GSE1: variants seen among roughly 807,000 people sequenced by gnomAD.
GSE1 encodes Gse1 coiled-coil protein, also known as genetic suppressor element 1.
In GSE1, 32 loss-of-function variants were observed where a neutral mutation model predicts 112.6. The ratio of observed to expected loss-of-function variants is 0.28; its 90% confidence interval spans 0.21 to 0.38. GSE1 has a LOEUF of 0.38. GSE1 is among the 10% of genes least tolerant of loss of function. The pLI, the probability that GSE1 is intolerant of heterozygous loss-of-function variation, is 1.00. For missense variants in GSE1, 2,348 were observed against 1,699.2 expected, an observed-to-expected ratio of 1.38 and a Z score of -6.71; for synonymous variants, 1,115 against 735.6, an observed-to-expected ratio of 1.52 and a Z score of -8.35.
chr16:85,539,718 T>A (rs1598110827), intron 2 of GSE1, among the ~76,000 whole-genome samples: 3 of 152,284 alleles, frequency 2.0e-5, no homozygotes, highest in Non-Finnish European at 4.4e-5. Context: ...GTTAATCACC[T>A]CCTCTCACCT....
At chr16:85,342,213 C>G (rs1369947810) in intron 1 of GSE1, among the ~76,000 whole-genome samples, 1 of 152,192 alleles carries the variant, frequency 6.6e-6, no homozygotes, top group African/African-American at 2.4e-5. Context: ...CTGGCGTTAA[C>G]TCACACTGTA....
intron 1 of GSE1, chr16:85,282,816 A>G (rs1028327704): frequency 1.3e-5 from 2 of 152,262 alleles, no homozygotes; most frequent in Non-Finnish European, 2.9e-5. Flanking sequence ...TTAATTATCT[A>G]GTGCTGCATA....
chr16:85,609,054 T>G (rs1345551852), upstream of GSE1, among the ~76,000 whole-genome samples: 2 of 152,196 alleles, frequency 1.3e-5, no homozygotes, highest in Admixed American at 1.3e-4. Flanking sequence ...TTAGTGAGGT[T>G]GTGACAGTCA....
At chr16:85,525,442 G>A (rs1043952310) in intron 2 of GSE1, among the ~76,000 whole-genome samples, 7 of 152,220 alleles carry the variant, frequency 4.6e-5, no homozygotes, top group African/African-American at 7.2e-5. Flanking sequence ...GAGAAGGAGC[G>A]AGGTGGCCAG....
At chr16:85,669,554 A>AACAT (rs2053159271) in intron 14 of GSE1, among the ~76,000 whole-genome samples, 1 of 152,066 alleles carries the variant, frequency 6.6e-6, no homozygotes, top group Admixed American at 6.5e-5. Context: ...CACCCCCTAC[A>AACAT]TGTTGCCATT....
At chr16:85,396,090 C>A (rs1268458167) in intron 2 of GSE1, among the ~76,000 whole-genome samples, 2 of 152,232 alleles carry the variant, frequency 1.3e-5, no homozygotes, top group African/African-American at 2.4e-5. Context: ...CCCCAAGTGG[C>A]CTGTTTCCAG....
intron 1 of GSE1, among the ~76,000 whole-genome samples, chr16:85,173,841 A>C (rs73252870): frequency 1.1e-3 from 162 of 152,312 alleles, no homozygotes; most frequent in African/African-American, 3.7e-3. Flanking sequence ...TCTGCCCAGA[A>C]GGGGTCAGCA....
rs988622194 is a variant in GSE1, at chr16:85,672,765, C to T, written c.*226C>T. On this transcript the variant is annotated 3_prime_UTR_variant, in exon 16 of 16. Transcript: ENST00000253458. ...AGCGAGCAACCAATGTAGGATTGCC[C>T]ACAGTTTTTCTTTTTAAAGGTGGTT... 1 of 358,186 alleles carries T rather than the reference C, an allele frequency of 2.8e-6. No individual in the cohort carries two copies. Among genetic ancestry groups the T allele is most frequent in the Non-Finnish European group, 5.0e-6 (1 of 198,918 alleles). The allele number at this position is 358,186 out of a possible 1,614,324, so 22.2% of individuals were successfully genotyped here.
chr16:85,362,761 G>A (rs1325729109), intron 2 of GSE1, among the ~76,000 whole-genome samples: 1 of 152,078 alleles, frequency 6.6e-6, no homozygotes, highest in Non-Finnish European at 1.5e-5. Context: ...GGTGGCCCTG[G>A]AGTAGTGCCA....
In GSE1 at chr16:85,656,674, G is replaced by C; in HGVS notation, c.1312+9G>C. ...GACCCCAACCCGAGCAGGTACCTGG[G>C]CGTGGGTGGGCTGTGCTGGGCAAGG... On this transcript the variant is annotated intron_variant, in intron 7 of 15. Coordinates refer to ENST00000253458, the MANE Select transcript of GSE1 (RefSeq NM_014615.5). 1 of 1,497,114 alleles carries C rather than the reference G, an allele frequency of 6.7e-7. No homozygotes were observed. The highest frequency in any genetic ancestry group is 8.9e-7 in the Non-Finnish European group (1 of 1,123,540). 92.7% of individuals were successfully genotyped at this position (1,497,114 alleles called of 1,614,324 possible). A position where few individuals can be genotyped will look rare whatever the true frequency, so the allele number is the denominator to read the frequency against.
At chr16:85,447,948 A>G (rs1222245028) in intron 2 of GSE1, among the ~76,000 whole-genome samples, 2 of 152,170 alleles carry the variant, frequency 1.3e-5, no homozygotes, top group Non-Finnish European at 2.9e-5. Flanking sequence ...GCAGCTGCTG[A>G]TACCTCAGGG....
intron 2 of GSE1, chr16:85,463,038 C>T (rs2050018051): frequency 5.2e-6 from 5 of 956,152 alleles, no homozygotes; most frequent in Non-Finnish European, 6.2e-6. Context: ...GCTGGGCAGC[C>T]CCTCCTAGAG....
chr16:85,327,794 G>A (rs544975015), intron 1 of GSE1, among the ~76,000 whole-genome samples: 4 of 152,114 alleles, frequency 2.6e-5, no homozygotes, highest in Admixed American at 6.5e-5. Flanking sequence ...CCCATTTTAC[G>A]GATCAGCAAA....
intron 2 of GSE1, among the ~76,000 whole-genome samples, chr16:85,466,910 A>G (rs2050140852): frequency 6.6e-6 from 1 of 152,134 alleles, no homozygotes; most frequent in Non-Finnish European, 1.5e-5. Flanking sequence ...AAATATAAAA[A>G]TTAGCCAGGC....
chr16:85,247,873 A>G (rs1906031728), intron 1 of GSE1, among the ~76,000 whole-genome samples: 1 of 152,202 alleles, frequency 6.6e-6, no homozygotes. Context: ...CCTGCATCCA[A>G]GCATGCACCT....
chr16:85,486,679 G>A (rs1033131190), intron 2 of GSE1, among the ~76,000 whole-genome samples: 33 of 152,092 alleles, frequency 2.2e-4, no homozygotes, highest in African/African-American at 6.3e-4. Context: ...TGGGAGCGCC[G>A]TCCCGCCCTC....
At chr16:85,421,361 C>A (rs74788070) in intron 2 of GSE1, among the ~76,000 whole-genome samples, 22,245 of 152,044 alleles carry the variant, frequency 0.15, 2,058 homozygotes, top group Non-Finnish European at 0.2. Flanking sequence ...AATTTCCACA[C>A]CCTCTGGACA....
At chr16:85,388,340 AT>A (rs2047747581) in intron 2 of GSE1, among the ~76,000 whole-genome samples, 1 of 49,202 alleles carries the variant, frequency 2.0e-5, no homozygotes, top group Non-Finnish European at 3.6e-5. Flanking sequence ...GAATGGATGT[AT>A]GGCTGGATGG....
chr16:85,271,026 C>G (rs1259648278), intron 1 of GSE1, among the ~76,000 whole-genome samples: 2 of 152,212 alleles, frequency 1.3e-5, no homozygotes, highest in Non-Finnish European at 1.5e-5. Context: ...CCATCAGGCC[C>G]TGTCCCCAAA....
Sources: gnomAD v4.1 joint callset for allele counts (sites outside exome capture counted in the v4.1 genomes callset) on GRCh38, gnomAD v4.1.1 for gene constraint, MANE v1.5 for transcripts, NCBI Gene and HGNC (gene_info 2026-07-23, HGNC 2026-07-21) for gene names.